The following CCDC88A variants were observed in gnomAD, a reference collection of about 807,000 sequenced individuals.
The protein encoded by CCDC88A is girdin.
CCDC88A carries 54 observed loss-of-function variants against 234.3 expected under a neutral mutation model. That is an observed-to-expected ratio of 0.23 (90% CI 0.19 to 0.29). The LOEUF (loss-of-function observed/expected upper bound fraction) is 0.29. CCDC88A is among the 10% of genes least tolerant of loss of function. The probability of loss-of-function intolerance (pLI) is 1.00; values close to 1 mark genes in which losing one functional copy is unlikely to be tolerated. For synonymous variants in CCDC88A, 753 were observed against 737.8 expected, an observed-to-expected ratio of 1.02 and a Z score of -0.33; for missense variants, 1,832 against 2,123.4, an observed-to-expected ratio of 0.86 and a Z score of 2.70.
intron 23 of CCDC88A, among the ~76,000 whole-genome samples, chr2:55,311,014 T>A (rs1682285016): frequency 6.6e-6 from 1 of 152,150 alleles, no homozygotes; most frequent in Non-Finnish European, 1.5e-5. Context: ...TCAGAATAGA[T>A]CATAATCTTT....
intron 8 of CCDC88A, among the ~76,000 whole-genome samples, chr2:55,354,642 C>A (rs145103655): frequency 1.3e-5 from 2 of 151,880 alleles, no homozygotes; most frequent in Non-Finnish European, 2.9e-5. Context: ...CGGCTCACTG[C>A]AACTTCCACC....
chr2:55,418,540 C>T, intron 2 of CCDC88A: 1 of 428,984 alleles, frequency 2.3e-6, no homozygotes, highest in Non-Finnish European at 4.2e-6. Context: ...TCAAAGAATA[C>T]ACAATGTGGC....
chr2:55,415,493 G>A (rs1681215029), intron 2 of CCDC88A, among the ~76,000 whole-genome samples: 1 of 152,130 alleles, frequency 6.6e-6, no homozygotes, highest in Non-Finnish European at 1.5e-5. Flanking sequence ...TCCAACAACT[G>A]CTCCAGCATT....
chr2:55,332,400 G>A lies in CCDC88A; in HGVS notation c.2855+166C>T, dbSNP rs1685024810. 5 of 1,244,822 alleles carry A rather than the reference G, an allele frequency of 4.0e-6. No homozygotes were observed. The East Asian group carries it at 1.4e-4, about 34-fold the overall frequency. The allele number at this position is 1,244,822 out of a possible 1,614,324, so 77.1% of individuals were successfully genotyped here. ...GCCTCCCAAAGTGCTGGGATTATAGGTGTGAGCCACCGCACCCGGCTACAG... is the reference window on the plus strand; with the variant it reads ...GCCTCCCAAAGTGCTGGGATTATAGATGTGAGCCACCGCACCCGGCTACAG... On this transcript the variant is annotated intron_variant, in intron 16 of 32. Coordinates refer to ENST00000436346, the MANE Select transcript of CCDC88A (RefSeq NM_001365480.1). This position sits in a 1 kb window ranked among gnomAD's most constrained non-coding sequence, Gnocchi z 4.5.
rs1260951885 is a variant in CCDC88A, at chr2:55,299,859, G to C, written c.4805C>G (p.Ala1602Gly). ...RTSTSNSNNN[A>G]SLHEVKAGAV... ...CATACCTTTGACTTCATGTAGTGAA[G>C]CATTATTATTGCTATTGCTAGTGGA... The change falls in exon 29 of 33, where the codon GCT becomes GGT. Residue 1602 changes from alanine to glycine, a missense_variant. By Grantham distance (60) the Ala-to-Gly change is moderately conservative (BLOSUM62 0). Coordinates refer to ENST00000436346, the MANE Select transcript of CCDC88A (RefSeq NM_001365480.1). 1.9e-6 allele frequency: 3 copies of C among 1,611,982 alleles called. No individual in the cohort carries two copies. The highest frequency in any genetic ancestry group is 3.3e-5 in the Admixed American group (2 of 59,978).
intron 29 of CCDC88A, among the ~76,000 whole-genome samples, chr2:55,299,593 T>C (rs1680634287): frequency 6.6e-6 from 1 of 152,198 alleles, no homozygotes; most frequent in South Asian, 2.1e-4. Flanking sequence ...GAAGTATAAA[T>C]ATTACTATAA....
At chr2:55,318,739 T>C in intron 19 of CCDC88A, 104 bp downstream of exon 19, 1 of 900,506 alleles carries the variant, frequency 1.1e-6, no homozygotes, top group Non-Finnish European at 1.6e-6. Context: ...CATTTATCTT[T>C]AAGTTCATTC....
intron 26 of CCDC88A, 178 bp downstream of exon 26, chr2:55,302,891 A>G (rs1344707099): frequency 1.9e-6 from 1 of 539,658 alleles, no homozygotes; most frequent in Non-Finnish European, 3.4e-6. Flanking sequence ...GTGGACATAT[A>G]CATAATGCAA....
chr2:55,366,513 C>T (rs897513415), intron 5 of CCDC88A, among the ~76,000 whole-genome samples: 14 of 143,990 alleles, frequency 9.7e-5, no homozygotes, highest in African/African-American at 3.4e-4. Flanking sequence ...GGCAACAGAG[C>T]AAGACTCTGT....
At chr2:55,357,662 T>C (rs1273333664) in intron 7 of CCDC88A, among the ~76,000 whole-genome samples, 4 of 152,172 alleles carry the variant, frequency 2.6e-5, no homozygotes, top group African/African-American at 7.2e-5. Context: ...GAAATAAGCA[T>C]CCTTGCTTTA....
At chr2:55,343,597 A>G (rs774840048) in intron 12 of CCDC88A, 51 bp downstream of exon 12, 160 of 1,435,976 alleles carry the variant, frequency 1.1e-4, no homozygotes, top group Non-Finnish European at 1.5e-4. Flanking sequence ...GTAAACATAA[A>G]TACAACTTCA....
rs1306719514 is a variant in CCDC88A, at chr2:55,295,552, G to C, written c.5551+45C>G. On this transcript the variant is annotated intron_variant, in intron 31 of 32. Coordinates refer to ENST00000436346, the MANE Select transcript of CCDC88A (RefSeq NM_001365480.1). Reference sequence around the variant, plus strand: ...GCACAAGAACCTATAGTATGTGTTGGGATGTCAAGTATATGAGAGGACCAC... The same window carrying C: ...GCACAAGAACCTATAGTATGTGTTGCGATGTCAAGTATATGAGAGGACCAC... 3.7e-6 allele frequency: 6 copies of C among 1,614,010 alleles called. No homozygotes were observed. In the South Asian group the frequency reaches 6.6e-5, roughly 18 times the overall value.
At chr2:55,365,598 A>C (rs1671837477) in intron 5 of CCDC88A, among the ~76,000 whole-genome samples, 1 of 152,160 alleles carries the variant, frequency 6.6e-6, no homozygotes, top group African/African-American at 2.4e-5. Context: ...CCTTTAGCAC[A>C]ATCTCAACAC....
At chr2:55,308,023 G>T (rs1451190961) in intron 25 of CCDC88A, 65 of 145,900 alleles carry the variant, frequency 4.5e-4, no homozygotes, top group African/African-American at 1.7e-3. Flanking sequence ...TGTTGCCCAG[G>T]CTGGAGCGCA....
chr2:55,325,649 C>T (rs1684168206), intron 17 of CCDC88A, among the ~76,000 whole-genome samples: 1 of 152,112 alleles, frequency 6.6e-6, no homozygotes, highest in Non-Finnish European at 1.5e-5. Context: ...TTTATAGAAG[C>T]CCTTTATCTG....
At chr2:55,415,275 T>C (rs1399354133) in intron 2 of CCDC88A, among the ~76,000 whole-genome samples, 1 of 152,022 alleles carries the variant, frequency 6.6e-6, no homozygotes, top group Admixed American at 6.6e-5. Flanking sequence ...TGATCACATA[T>C]TCCAGCCTGA....
intron 8 of CCDC88A, among the ~76,000 whole-genome samples, chr2:55,353,649 C>CAAAAAAAA (rs34022778): frequency 1.3e-5 from 1 of 77,076 alleles, no homozygotes. Context: ...GAAACCAAAC[C>CAAAAAAAA]AAAAAAAAAA....
chr2:55,369,194 C>T (rs1672459806), intron 5 of CCDC88A, among the ~76,000 whole-genome samples: 1 of 151,964 alleles, frequency 6.6e-6, no homozygotes, highest in Admixed American at 6.6e-5. Flanking sequence ...ACTACCACAC[C>T]CGGCTAATTT....
At chr2:55,399,354 G>A (rs1371204942) in intron 2 of CCDC88A, among the ~76,000 whole-genome samples, 17 of 151,610 alleles carry the variant, frequency 1.1e-4, no homozygotes, top group Non-Finnish European at 2.4e-4. Flanking sequence ...GTGAAACCCC[G>A]TCTCTACTAA....
Sources: allele counts gnomAD v4.1 joint callset (sites outside exome capture counted in the v4.1 genomes callset), GRCh38; gene constraint gnomAD v4.1.1; non-coding constraint Gnocchi (gnomAD v3.1); transcripts MANE v1.5; gene names NCBI Gene and HGNC (gene_info 2026-07-23, HGNC 2026-07-21).